The following NIPAL2 variants were observed in gnomAD, a reference collection of about 807,000 sequenced individuals.
The protein encoded by NIPAL2 is NIPA-like protein 2.
A neutral mutation model predicts 48.9 loss-of-function variants in NIPAL2; 43 were observed. The ratio of observed to expected loss-of-function variants is 0.88; its 90% confidence interval spans 0.69 to 1.13. The LOEUF is 1.13. Ranked by LOEUF, NIPAL2 falls within the 50% of genes most tolerant of loss-of-function variation. NIPAL2 has a pLI of 0.00. For synonymous variants in NIPAL2, 167 were observed against 174.6 expected (o/e 0.96, Z 0.34); for missense variants, 446 against 461.4 (o/e 0.97, Z 0.31).
chr8:98,248,515 A>G (rs1813415294), intron 3 of NIPAL2, among the ~76,000 whole-genome samples: 1 of 152,186 alleles, frequency 6.6e-6, no homozygotes, highest in Admixed American at 6.5e-5. Flanking sequence ...TTTCATTCCC[A>G]CTTTACAGGC....
chr8:98,270,085 T>C (rs113037846), intron 1 of NIPAL2, among the ~76,000 whole-genome samples: 7,886 of 152,236 alleles, frequency 0.052, 470 homozygotes, highest in African/African-American at 0.14. Flanking sequence ...CAGTCTACTG[T>C]TGATGGGCAC....
At chr8:98,210,997 CCT>C (rs1811282901) in intron 6 of NIPAL2, among the ~76,000 whole-genome samples, 1 of 152,104 alleles carries the variant, frequency 6.6e-6, no homozygotes, top group African/African-American at 2.4e-5. Context: ...CTGGAGAACC[CCT>C]GTCTTAGTAT....
intron 3 of NIPAL2, among the ~76,000 whole-genome samples, chr8:98,239,762 A>G (rs1035670634): frequency 6.6e-6 from 1 of 152,240 alleles, no homozygotes; most frequent in Non-Finnish European, 1.5e-5. Flanking sequence ...AAAAAAGAAC[A>G]TTCTATTAAG....
chr8:98,288,489 T>C (rs1032615166), intron 1 of NIPAL2, among the ~76,000 whole-genome samples: 20 of 152,072 alleles, frequency 1.3e-4, no homozygotes, highest in East Asian at 3.9e-4. Context: ...TGAATAATGC[T>C]GCAATAAACA....
intron 6 of NIPAL2, among the ~76,000 whole-genome samples, chr8:98,207,306 G>A (rs1348585818): frequency 3.3e-5 from 5 of 152,296 alleles, no homozygotes; most frequent in South Asian, 2.1e-4. Context: ...ATCAATTTCT[G>A]TAGCCAATCG....
rs1810280551 is a variant in NIPAL2 at position 98,190,909 on chromosome 8, T to C, written c.*2069A>G. On this transcript the variant is annotated 3_prime_UTR_variant, in exon 11 of 11. Transcript: ENST00000430223. ...TGGCTTTAGTTGTTGTCATGCACTGTGTAATTTAAAAAATCTTACAGGCCA... is the reference window on the plus strand; with the variant it reads ...TGGCTTTAGTTGTTGTCATGCACTGCGTAATTTAAAAAATCTTACAGGCCA... 2.0e-5 allele frequency: 3 copies of C among 152,232 alleles called. No individual in the cohort carries two copies. The South Asian group carries it at 6.2e-4, about 31-fold the overall frequency. 9.4% of individuals were successfully genotyped at this position (152,232 alleles called of 1,614,324 possible).
rs1316492475 is a variant in NIPAL2, at chr8:98,262,139, G to T, written c.136-8052C>A. Among the ~76,000 whole-genome samples the T allele has an allele frequency of 9.1e-4, 133 of 146,590 alleles. No homozygotes were observed. The Middle Eastern group carries it at 0.029, about 31-fold the overall frequency. ...AGCTCCTGAAGGAAGCGCTAAACAT[G>T]GAAAGGAACAACCGGTACCAGCCGC... On this transcript the variant is annotated intron_variant, in intron 1 of 10. Coordinates refer to ENST00000430223, the MANE Select transcript of NIPAL2 (RefSeq NM_001321635.2).
At chr8:98,286,636 C>T (rs1043625283) in intron 1 of NIPAL2, among the ~76,000 whole-genome samples, 4 of 152,066 alleles carry the variant, frequency 2.6e-5, no homozygotes, top group Non-Finnish European at 4.4e-5. Context: ...TGGTGAAACC[C>T]TGTCTCTACT....
At chr8:98,283,083 C>T (rs950566663) in intron 1 of NIPAL2, among the ~76,000 whole-genome samples, 41 of 152,172 alleles carry the variant, frequency 2.7e-4, no homozygotes, top group African/African-American at 9.9e-4. Context: ...TTTTAATCAA[C>T]CTTAAAGCCT....
At chr8:98,206,761 A>G (rs1811063084) in intron 6 of NIPAL2, among the ~76,000 whole-genome samples, 1 of 146,728 alleles carries the variant, frequency 6.8e-6, no homozygotes, top group Admixed American at 7.0e-5. Context: ...TGGGTGACAG[A>G]CCGAGACTCT....
In NIPAL2 at chr8:98,286,783, C is replaced by T. The variant is rs570333748; in HGVS notation, c.135+7220G>A. 3.3e-4 allele frequency among the ~76,000 whole-genome samples: 49 copies of T among 148,482 alleles called. No homozygotes were observed. The South Asian group carries it at 9.9e-3, about 30-fold the overall frequency. On this transcript the variant is annotated intron_variant, in intron 1 of 10. Transcript: ENST00000430223. ...GAGATCATACAACTGCAACTGCACT[C>T]CAGCCTGAGTGACAGAGTGAGACTC... is the stretch of plus-strand genomic sequence containing the variant.
At chr8:98,259,774 G>A (rs1320712747) in intron 1 of NIPAL2, among the ~76,000 whole-genome samples, 1 of 152,192 alleles carries the variant, frequency 6.6e-6, no homozygotes, top group Non-Finnish European at 1.5e-5. Flanking sequence ...TGTGTCTATG[G>A]CCTTAATCAA....
At chr8:98,195,825 A>G in intron 9 of NIPAL2, 117 bp downstream of exon 9, 1 of 666,076 alleles carries the variant, frequency 1.5e-6, no homozygotes, top group South Asian at 1.8e-5. Flanking sequence ...TTAGGAGCTC[A>G]GGAAACTGAT....
chr8:98,251,921 C>A (rs1813608910), intron 3 of NIPAL2, among the ~76,000 whole-genome samples: 2 of 152,168 alleles, frequency 1.3e-5, no homozygotes, highest in African/African-American at 4.8e-5. Flanking sequence ...TTTTTTCAGT[C>A]TTTCACATCT....
chr8:98,236,137 A>G lies in NIPAL2; in HGVS notation c.436+18T>C, dbSNP rs1357698073. Reference sequence around the variant, plus strand: ...GATCAAGCAATGCTACAATTACATGAATTAAATAATTACTTACCGAGTAAG... The same window carrying G: ...GATCAAGCAATGCTACAATTACATGGATTAAATAATTACTTACCGAGTAAG... On this transcript the variant is annotated intron_variant, in intron 4 of 10. Transcript: ENST00000430223. The G allele has an allele frequency of 6.6e-7, 1 of 1,514,624 alleles. No individual in the cohort carries two copies. The highest frequency in any genetic ancestry group is 1.2e-5 in the South Asian group (1 of 85,970). 93.8% of individuals were successfully genotyped at this position (1,514,624 alleles called of 1,614,324 possible).
chr8:98,226,582 C>T lies in NIPAL2; in HGVS notation c.437-3982G>A, dbSNP rs553037232. On this transcript the variant is annotated intron_variant, in intron 4 of 10. Transcript: ENST00000430223. ...CTTCTCTTACTTTCTCCCAAACAAA[C>T]AGTCTCTCTCTCTCTCCCTCTCTTT... Among the ~76,000 whole-genome samples the T allele has an allele frequency of 3.3e-5, 5 of 152,254 alleles. No individual in the cohort carries two copies. In the South Asian group the frequency reaches 8.3e-4, roughly 25 times the overall value.
intron 4 of NIPAL2, among the ~76,000 whole-genome samples, chr8:98,234,309 G>A (rs1017282224): frequency 5.9e-5 from 9 of 151,862 alleles, no homozygotes; most frequent in Admixed American, 4.6e-4. Flanking sequence ...ACTTGTGGAC[G>A]GGGATTCTGT....
At chr8:98,232,972 G>A (rs1235039943) in intron 4 of NIPAL2, among the ~76,000 whole-genome samples, 1 of 152,092 alleles carries the variant, frequency 6.6e-6, no homozygotes, top group African/African-American at 2.4e-5. Flanking sequence ...AAAAGATGAG[G>A]AATTAGGCCA....
intron 4 of NIPAL2, among the ~76,000 whole-genome samples, chr8:98,232,270 G>T (rs1812475594): frequency 6.6e-6 from 1 of 152,000 alleles, no homozygotes; most frequent in Admixed American, 6.6e-5. Context: ...GGCAAAAATT[G>T]GTCACGTTTA....
Sources: gnomAD v4.1 joint callset for allele counts (sites outside exome capture counted in the v4.1 genomes callset) on GRCh38, gnomAD v4.1.1 for gene constraint, MANE v1.5 for transcripts, NCBI Gene and HGNC (gene_info 2026-07-23, HGNC 2026-07-21) for gene names.